Variants in CDH17 observed in about 807,000 individuals in gnomAD.
CDH17 encodes cadherin 17.
Under a neutral mutation model 86.3 loss-of-function variants are expected in CDH17, and 67 were observed. The observed-to-expected ratio is 0.78, with a 90% CI of 0.64 to 0.95. The LOEUF (loss-of-function observed/expected upper bound fraction) is 0.95. Among genes scored for constraint, CDH17 ranks in the 40% least tolerant of loss-of-function variants. CDH17 has a pLI of 0.00. For missense variants in CDH17, 993 were observed against 1,017.6 expected (o/e 0.98, Z 0.33); for synonymous variants, 367 against 366.4 (o/e 1.00, Z -0.02).
chr8:94,211,376 A>T (rs191568343), upstream of CDH17, among the ~76,000 whole-genome samples: 32 of 152,268 alleles, frequency 2.1e-4, no homozygotes, highest in East Asian at 6.0e-3. Flanking sequence ...CAATGGCACA[A>T]TCTCAGCTCA....
chr8:94,168,768 G>T (rs971297820), intron 9 of CDH17, among the ~76,000 whole-genome samples: 2 of 152,108 alleles, frequency 1.3e-5, no homozygotes, highest in Non-Finnish European at 2.9e-5. Flanking sequence ...CTCGAAAAGA[G>T]CTTCCAGCAA....
Position 94,156,086 on chromosome 8 carries a change from T to C in CDH17, c.1551+3885A>G, listed in dbSNP as rs544337927. Among the ~76,000 whole-genome samples the C allele has an allele frequency of 2.6e-5, 4 of 152,330 alleles. No homozygotes were observed. In the South Asian group the frequency reaches 8.3e-4, roughly 32 times the overall value. ...CCCGTCACTGCCTCTTGGAATGGCC[T>C]CAGTCCCATCTGGCAAGACATATTC... On this transcript the variant is annotated intron_variant, in intron 12 of 17. Transcript: ENST00000027335.
rs1173522908 is a variant in CDH17, at chr8:94,171,092, GT to G, written c.784-108del. The G allele has an allele frequency of 1.5e-5, 18 of 1,182,808 alleles. No homozygotes were observed. In the African/African-American group the frequency reaches 2.5e-4, roughly 16 times the overall value. The allele number at this position is 1,182,808 out of a possible 1,614,324, so 73.3% of individuals were successfully genotyped here. A position where few individuals can be genotyped will look rare whatever the true frequency, so the allele number is the denominator to read the frequency against. ...TTTGAAATCTCTGACAACCTTGTAT[GT>G]TTGTGGTTTCTTGTAACAACTGAAT... On this transcript the variant is annotated intron_variant, in intron 7 of 17. Coordinates refer to ENST00000027335, the MANE Select transcript of CDH17 (RefSeq NM_004063.4).
chr8:94,163,994 T>C (rs1255265292), intron 10 of CDH17, among the ~76,000 whole-genome samples: 1 of 152,212 alleles, frequency 6.6e-6, no homozygotes, highest in East Asian at 1.9e-4. Flanking sequence ...TAGTGCACAG[T>C]TGAATGTTTA....
chr8:94,205,641 T>G (rs1814011624), intron 1 of CDH17, among the ~76,000 whole-genome samples: 1 of 152,118 alleles, frequency 6.6e-6, no homozygotes, highest in African/African-American at 2.4e-5. Context: ...GAAAATAAAT[T>G]TAATTCTGCT....
chr8:94,204,772 TGCTCCCCAAGACAGA>T (rs1813993071), intron 1 of CDH17, among the ~76,000 whole-genome samples: 1 of 152,252 alleles, frequency 6.6e-6, no homozygotes, highest in African/African-American at 2.4e-5. Flanking sequence ...GTTCCCCCAG[TGCTCCCCAAGACAGA>T]GCAAGGGAAG....
At position 94,179,046 on chromosome 8, in the gene CDH17, T is replaced by TAAA. The variant is rs3033905; in HGVS notation, c.151-1328_151-1326dup. 2.9e-3 allele frequency among the ~76,000 whole-genome samples: 404 copies of TAAA among 138,998 alleles called. 3 individuals are homozygous for TAAA. The highest frequency in any genetic ancestry group is 0.01 in the South Asian group (44 of 4,296). The allele number at this position is 138,998 out of a possible 152,430, so 91.2% of individuals were successfully genotyped here. On this transcript the variant is annotated intron_variant, in intron 3 of 17. Transcript: ENST00000027335. ...CTTGCAAAATCCAAGGAATGTTTAT[T>TAAA]AAAAAAAAAAAAAAAAACTAAGGTT... is the stretch of plus-strand genomic sequence containing the variant.
chr8:94,129,184 G>A (rs772785505), intron 17 of CDH17, among the ~76,000 whole-genome samples: 25 of 152,196 alleles, frequency 1.6e-4, no homozygotes, highest in Middle Eastern at 3.4e-3. Flanking sequence ...AAATTGATAC[G>A]TTAAGAAAAT....
chr8:94,130,784 T>C lies in CDH17; in HGVS notation c.2285-45A>G, dbSNP rs1216850552. On this transcript the variant is annotated intron_variant, in intron 16 of 17. Coordinates refer to ENST00000027335, the MANE Select transcript of CDH17 (RefSeq NM_004063.4). ...TTGGTAGGATAAATTCTCAAGTGAA[T>C]AGTTGCAGAATCCCATATCAAAGAC... is the stretch of plus-strand genomic sequence containing the variant. 1.9e-6 allele frequency: 3 copies of C among 1,541,658 alleles called. No individual in the cohort carries two copies. The African/African-American group carries it at 4.1e-5, about 21-fold the overall frequency.
chr8:94,136,168 G>C (rs1396029079), intron 15 of CDH17, among the ~76,000 whole-genome samples: 1 of 152,014 alleles, frequency 6.6e-6, no homozygotes, highest in African/African-American at 2.4e-5. Flanking sequence ...CTTTGTGGTG[G>C]TCTCTGTATT....
At chr8:94,201,190 A>G (rs929817565) in intron 1 of CDH17, among the ~76,000 whole-genome samples, 1 of 152,012 alleles carries the variant, frequency 6.6e-6, no homozygotes, top group African/African-American at 2.4e-5. Flanking sequence ...TTGGTCTGGG[A>G]AGTTTTGTTT....
chr8:94,148,541 CAAAAAA>C (rs59942237), intron 14 of CDH17, among the ~76,000 whole-genome samples, 197 bp downstream of exon 14: 11 of 29,192 alleles, frequency 3.8e-4, no homozygotes, highest in East Asian at 4.1e-3. Context: ...GACTCCATCT[CAAAAAA>C]AAAAAAAAAA....
chr8:94,152,618 A>G (rs1018426717), intron 12 of CDH17, among the ~76,000 whole-genome samples: 1 of 152,182 alleles, frequency 6.6e-6, no homozygotes, highest in Non-Finnish European at 1.5e-5. Context: ...GGCTGGTCAC[A>G]AATTCCTTAC....
At position 94,148,763 on chromosome 8, in the gene CDH17, T is replaced by A. The variant is rs765606103; in HGVS notation, c.1908A>T (p.Gln636His). 68 of 1,529,082 alleles carry A rather than the reference T, an allele frequency of 4.4e-5. No individual in the cohort carries two copies. The East Asian group carries it at 7.5e-4, about 17-fold the overall frequency. 94.7% of individuals were successfully genotyped at this position (1,529,082 alleles called of 1,614,324 possible). The change falls in exon 14 of 18, where the codon CAA (glutamine) becomes CAT (histidine). Residue 636 changes from glutamine (Q) to histidine (H), a missense_variant. Physicochemically the swap from Gln to His is conservative, Grantham distance 24. Transcript: ENST00000027335. Reference protein sequence around the residue: ...DREAGSPYRVQVVATEVGGSS... With the variant: ...DREAGSPYRVHVVATEVGGSS... The stretch of plus-strand genomic sequence containing the variant: ...GCTTACCTACTTCTGTGGCCACCAC[T>A]TGTACCCGATATGGACTTCCGGCTT...
intron 13 of CDH17, among the ~76,000 whole-genome samples, chr8:94,150,018 A>G (rs1013099445): frequency 1.3e-5 from 2 of 152,222 alleles, no homozygotes; most frequent in African/African-American, 4.8e-5. Flanking sequence ...ATTTTCTATA[A>G]TAAAAAATAC....
chr8:94,204,134 TTTC>T (rs1240260276), intron 1 of CDH17, among the ~76,000 whole-genome samples: 7 of 152,174 alleles, frequency 4.6e-5, no homozygotes, highest in African/African-American at 9.7e-5. Flanking sequence ...TGTCTCACTT[TTTC>T]TTTTTTTAAA....
At chr8:94,162,002 C>A in intron 11 of CDH17, 84 bp downstream of exon 11, 1 of 862,856 alleles carries the variant, frequency 1.2e-6, no homozygotes, top group Non-Finnish European at 1.9e-6. Flanking sequence ...CTTTTCCTAG[C>A]TACTGTCTGT....
At chr8:94,141,402 T>A (rs1812636189) in intron 15 of CDH17, among the ~76,000 whole-genome samples, 1 of 152,126 alleles carries the variant, frequency 6.6e-6, no homozygotes, top group Non-Finnish European at 1.5e-5. Context: ...CCTAAGATCA[T>A]GAACAAGTCA....
Position 94,189,115 on chromosome 8 carries a change from T to C in CDH17, c.150+72A>G, listed in dbSNP as rs1232572629. The C allele has an allele frequency of 3.0e-6, 3 of 1,008,614 alleles. No homozygotes were observed. In the East Asian group the frequency reaches 7.1e-5, roughly 24 times the overall value. 62.5% of individuals were successfully genotyped at this position (1,008,614 alleles called of 1,614,324 possible). ...CTTTATTTTATTTCCTGCTATACAATAGATAAGGAAGTAAAAGTCCACCAA... is the reference window on the plus strand; with the variant it reads ...CTTTATTTTATTTCCTGCTATACAACAGATAAGGAAGTAAAAGTCCACCAA... On this transcript the variant is annotated intron_variant, in intron 3 of 17. Coordinates refer to ENST00000027335, the MANE Select transcript of CDH17 (RefSeq NM_004063.4).
Sources: gnomAD v4.1 joint callset for allele counts (sites outside exome capture counted in the v4.1 genomes callset) on GRCh38, gnomAD v4.1.1 for gene constraint, MANE v1.5 for transcripts, NCBI Gene and HGNC (gene_info 2026-07-23, HGNC 2026-07-21) for gene names.